Variants in PRKCQ observed in about 807,000 individuals in gnomAD.
The protein encoded by PRKCQ is protein kinase C theta.
Under a neutral mutation model 91.2 loss-of-function variants are expected in PRKCQ, and 41 were observed. That is an observed-to-expected ratio of 0.45 (90% confidence interval 0.35 to 0.58). The LOEUF (loss-of-function observed/expected upper bound fraction) is 0.58, where lower values mean the gene tolerates loss of function less well. PRKCQ is among the 20% of genes least tolerant of loss of function. The pLI is 0.00. For synonymous variants in PRKCQ, 307 were observed against 316.9 expected (o/e 0.97, Z 0.33); for missense variants, 673 against 896.5 (o/e 0.75, Z 3.18).
intron 11 of PRKCQ, among the ~76,000 whole-genome samples, chr10:6,479,367 C>T (rs1836451514): frequency 6.6e-6 from 1 of 152,148 alleles, no homozygotes; most frequent in Non-Finnish European, 1.5e-5. Context: ...TTCATACTAT[C>T]TTTGTACTCT....
chr10:6,574,245 G>C (rs565737944), intron 1 of PRKCQ, among the ~76,000 whole-genome samples: 80 of 152,348 alleles, frequency 5.3e-4, no homozygotes, highest in African/African-American at 1.7e-3. Context: ...TGCAAGCCGA[G>C]TGCTGTGAGT....
At chr10:6,507,301 G>A in intron 4 of PRKCQ, 135 bp downstream of exon 4, 1 of 870,058 alleles carries the variant, frequency 1.1e-6, no homozygotes. Flanking sequence ...GCACCTCTGA[G>A]AATTTTAAAA....
chr10:6,567,900 CT>C (rs1840890072), intron 1 of PRKCQ, among the ~76,000 whole-genome samples: 1 of 151,980 alleles, frequency 6.6e-6, no homozygotes, highest in Non-Finnish European at 1.5e-5. Flanking sequence ...TGAATTTAGT[CT>C]TTTACCTTTC....
At position 6,519,953 on chromosome 10, in the gene PRKCQ, G is replaced by T. The variant is rs1011782799; in HGVS notation, c.-9-4809C>A. ...TACACGCCAAAGACTGTCTCTTCCC[G>T]GTGTGCAAACTGATATTGCCAATAA... On this transcript the variant is annotated intron_variant, in intron 1 of 17. Coordinates refer to ENST00000263125, the MANE Select transcript of PRKCQ (RefSeq NM_006257.5). Among the ~76,000 whole-genome samples the T allele has an allele frequency of 3.9e-5, 6 of 152,204 alleles. No homozygotes were observed. The East Asian group carries it at 9.7e-4, about 24-fold the overall frequency.
chr10:6,458,972 C>T (rs185696269), intron 14 of PRKCQ, among the ~76,000 whole-genome samples: 88 of 152,296 alleles, frequency 5.8e-4, no homozygotes, highest in African/African-American at 1.9e-3. Context: ...TTTGTGGTTC[C>T]TCTGGCAGAT....
chr10:6,512,905 T>A (rs1838553894), intron 2 of PRKCQ, among the ~76,000 whole-genome samples: 1 of 152,164 alleles, frequency 6.6e-6, no homozygotes, highest in African/African-American at 2.4e-5. Flanking sequence ...GAGATTGGGC[T>A]TTTTAGAAAC....
the PRKCQ span, among the ~76,000 whole-genome samples, chr10:6,404,316 C>G: frequency 1.4e-5 from 2 of 147,174 alleles, no homozygotes; most frequent in Admixed American, 1.4e-4. Flanking sequence ...AACTCAAATA[C>G]TTGCAATGTT....
Position 6,486,050 on chromosome 10 carries a change from A to T in PRKCQ, c.885T>A (p.Ile295=), listed in dbSNP as rs34193902. 2,101 of 1,613,944 alleles carry T rather than the reference A, an allele frequency of 1.3e-3. 35 individuals are homozygous for T. In the African/African-American group the frequency reaches 0.026, roughly 20 times the overall value. The part of the protein sequence containing the change: ...QKLMAEALAM[I]ESTQQARCLR... ...ATGCTCCTACCTGTTGAGTGCTCTCAATCATGGCCAGCGCTTCAGCCATTA... is the reference window on the plus strand; with the variant it reads ...ATGCTCCTACCTGTTGAGTGCTCTCTATCATGGCCAGCGCTTCAGCCATTA... The change falls in exon 9 of 18, where the codon ATT becomes ATA. Residue 295 remains isoleucine (I), a synonymous_variant. Transcript: ENST00000263125.
intron 1 of PRKCQ, among the ~76,000 whole-genome samples, chr10:6,542,653 C>T (rs181467666): frequency 1.3e-3 from 193 of 152,224 alleles, no homozygotes; most frequent in South Asian, 8.7e-3. Context: ...ACTAGGTACC[C>T]GTCACCATCC....
intron 1 of PRKCQ, among the ~76,000 whole-genome samples, chr10:6,568,936 A>C (rs1416869252): frequency 6.6e-6 from 1 of 151,956 alleles, no homozygotes; most frequent in Non-Finnish European, 1.5e-5. Context: ...AATTCTAAAC[A>C]TTTCCCACCC....
chr10:6,468,264 G>A (rs1308416501), intron 12 of PRKCQ, among the ~76,000 whole-genome samples: 1 of 152,230 alleles, frequency 6.6e-6, no homozygotes, highest in Non-Finnish European at 1.5e-5. Flanking sequence ...AATTGTAAAA[G>A]TGGCCTCAAA....
the PRKCQ span, among the ~76,000 whole-genome samples, chr10:6,411,824 T>C: frequency 6.6e-6 from 1 of 152,192 alleles, no homozygotes; most frequent in Admixed American, 6.5e-5. Context: ...CTCAGAGAGA[T>C]AAACACAAAG....
At chr10:6,481,687 A>G (rs905737958) in intron 11 of PRKCQ, among the ~76,000 whole-genome samples, 1 of 152,208 alleles carries the variant, frequency 6.6e-6, no homozygotes, top group African/African-American at 2.4e-5. Flanking sequence ...AGTTTGTTTA[A>G]TATTAAATAA....
intron 16 of PRKCQ, among the ~76,000 whole-genome samples, chr10:6,438,629 T>C (rs1383404877): frequency 3.9e-5 from 6 of 152,106 alleles, no homozygotes; most frequent in Non-Finnish European, 7.4e-5. Flanking sequence ...AGGGTCTTGC[T>C]CTGTCACCTA....
chr10:6,419,176 C>T, the PRKCQ span, among the ~76,000 whole-genome samples: 1 of 150,018 alleles, frequency 6.7e-6, no homozygotes, highest in Admixed American at 6.6e-5. Flanking sequence ...TAACTATCTA[C>T]TTCTGTCTAT....
chr10:6,449,217 G>T (rs10160174), intron 15 of PRKCQ, among the ~76,000 whole-genome samples: 2 of 137,736 alleles, frequency 1.5e-5, no homozygotes, highest in East Asian at 4.5e-4. Context: ...ACTAGAATAA[G>T]CAATAGAGAG....
At chr10:6,509,668 C>G (rs923267547) in intron 3 of PRKCQ, among the ~76,000 whole-genome samples, 2 of 152,172 alleles carry the variant, frequency 1.3e-5, no homozygotes, top group African/African-American at 4.8e-5. Flanking sequence ...CTTGGCCTCC[C>G]AAAGTGCTGG....
At chr10:6,458,507 T>C (rs1057333455) in intron 14 of PRKCQ, among the ~76,000 whole-genome samples, 12 of 152,036 alleles carry the variant, frequency 7.9e-5, no homozygotes, top group Non-Finnish European at 1.5e-5. Context: ...CAGGCCATCA[T>C]GGCATCAAGC....
chr10:6,520,990 C>T (rs1230337013), intron 1 of PRKCQ, among the ~76,000 whole-genome samples: 1 of 152,188 alleles, frequency 6.6e-6, no homozygotes, highest in Admixed American at 6.5e-5. Context: ...CCTTACTTCC[C>T]TCATCCCCAG....
Sources: allele counts gnomAD v4.1 joint callset (sites outside exome capture counted in the v4.1 genomes callset), GRCh38; gene constraint gnomAD v4.1.1; transcripts MANE v1.5; gene names NCBI Gene and HGNC (gene_info 2026-07-23, HGNC 2026-07-21).